The following CACNA1C variants were observed in gnomAD, a reference collection of about 807,000 sequenced individuals.
The protein encoded by CACNA1C is calcium voltage-gated channel subunit alpha1 C, also known as voltage-dependent L-type calcium channel subunit alpha-1C.
In CACNA1C, 30 loss-of-function variants were observed where a neutral mutation model predicts 229.0. The ratio of observed to expected loss-of-function variants is 0.13; its 90% CI spans 0.10 to 0.18. CACNA1C has a LOEUF of 0.18. Among genes scored for constraint, CACNA1C ranks in the 10% least tolerant of loss-of-function variants. The pLI is 1.00. For missense variants in CACNA1C, 1,658 were observed against 2,845.0 expected (o/e 0.58, Z 9.49); for synonymous variants, 1,114 against 1,132.5 (o/e 0.98, Z 0.33).
chr12:2,651,310 T>G lies in CACNA1C; in HGVS notation c.3946-330T>G. Reference sequence around the variant, plus strand: ...GGCAGCTGGCTCTGGGCCTAGAAGATTCCAAAGCCTATGGTAGTTCCTGAT... The same window carrying G: ...GGCAGCTGGCTCTGGGCCTAGAAGAGTCCAAAGCCTATGGTAGTTCCTGAT... On this transcript the variant is annotated intron_variant, in intron 31 of 46. Coordinates refer to ENST00000399655, the MANE Select transcript of CACNA1C (RefSeq NM_000719.7). The surrounding 1 kb of genome is among the most constrained non-coding windows in gnomAD (Gnocchi z 5.4). 1 of 429,668 alleles carries G rather than the reference T, an allele frequency of 2.3e-6. No homozygotes were observed. The allele number at this position is 429,668 out of a possible 1,614,324, so 26.6% of individuals were successfully genotyped here.
chr12:2,405,978 C>G (rs2159059), intron 3 of CACNA1C, among the ~76,000 whole-genome samples: 28,229 of 152,124 alleles, frequency 0.19, 3,108 homozygotes, highest in African/African-American at 0.3. Flanking sequence ...TTTCTTTCAT[C>G]TGTGAAAATA....
chr12:2,387,059 A>G (rs2098404035), intron 3 of CACNA1C, among the ~76,000 whole-genome samples: 1 of 152,218 alleles, frequency 6.6e-6, no homozygotes, highest in African/African-American at 2.4e-5. Context: ...CAGGTTTAGA[A>G]TTCTGTCCAT....
rs748951831 is a variant in CACNA1C at position 2,649,111 on chromosome 12, G to A, written c.3945+604G>A. Among the ~76,000 whole-genome samples the A allele has an allele frequency of 3.3e-5, 5 of 152,168 alleles. No homozygotes were observed. The highest frequency in any genetic ancestry group is 7.2e-5 in the African/African-American group (3 of 41,430). Reference sequence around the variant, plus strand: ...GCATTTTTCTAAATTCCTGAAGTCCGTTAAAATTAGGCTGCAGCCACTGTT... The same window carrying A: ...GCATTTTTCTAAATTCCTGAAGTCCATTAAAATTAGGCTGCAGCCACTGTT... On this transcript the variant is annotated intron_variant, in intron 31 of 46. Coordinates refer to ENST00000399655, the MANE Select transcript of CACNA1C (RefSeq NM_000719.7). The surrounding 1 kb of genome is among the most constrained non-coding windows in gnomAD (Gnocchi z 4.4).
In CACNA1C at chr12:2,605,179, G is replaced by T; in HGVS notation, c.3048+11G>T. The T allele has an allele frequency of 1.3e-6, 2 of 1,586,930 alleles. No homozygotes were observed. Among genetic ancestry groups the T allele is most frequent in the Admixed American group, 1.7e-5 (1 of 59,992 alleles). On this transcript the variant is annotated intron_variant, in intron 23 of 46. Coordinates refer to ENST00000399655, the MANE Select transcript of CACNA1C (RefSeq NM_000719.7). The surrounding 1 kb of genome is among the most constrained non-coding windows in gnomAD (Gnocchi z 6.2). ...GCCAAGGGGCTAAAGGTGAGTTGAG[G>T]GCTTGGGTAGGGAGTCTCCAGCCAG... is the stretch of plus-strand genomic sequence containing the variant.
intron 31 of CACNA1C, chr12:2,650,945 T>G (rs947451085): frequency 1.3e-5 from 2 of 151,644 alleles, no homozygotes; most frequent in Non-Finnish European, 2.9e-5. Context: ...CAGAGGGGAG[T>G]AGGAGGGCAA....
At chr12:2,669,110 G>A (rs2096403069) in intron 38 of CACNA1C, 75 bp downstream of exon 38, 5 of 1,033,462 alleles carry the variant, frequency 4.8e-6, no homozygotes, top group Non-Finnish European at 7.6e-6. Context: ...TCGGCAGCCT[G>A]CAAAGTGCTC....
chr12:2,056,825 A>T (rs1351803242), intron 1 of CACNA1C, among the ~76,000 whole-genome samples: 1 of 152,210 alleles, frequency 6.6e-6, no homozygotes, highest in Non-Finnish European at 1.5e-5. Flanking sequence ...ACAATATATT[A>T]AAAAGAGTCA....
Position 2,188,620 on chromosome 12 carries a change from A to G in CACNA1C, c.477+68190A>G, listed in dbSNP as rs2097116543. Reference sequence around the variant, plus strand: ...AAAAAATAAAAATAAAAAGAGAAAGACACTGTTTCAGCAAATTGATATTCG... The same window carrying G: ...AAAAAATAAAAATAAAAAGAGAAAGGCACTGTTTCAGCAAATTGATATTCG... On this transcript the variant is annotated intron_variant, in intron 3 of 46. Coordinates refer to ENST00000399655, the MANE Select transcript of CACNA1C (RefSeq NM_000719.7). 2.0e-5 allele frequency among the ~76,000 whole-genome samples: 3 copies of G among 152,138 alleles called. No individual in the cohort carries two copies. The South Asian group carries it at 6.2e-4, about 32-fold the overall frequency.
chr12:2,508,490 G>A (rs7299060), intron 8 of CACNA1C, among the ~76,000 whole-genome samples: 27,016 of 152,134 alleles, frequency 0.18, 3,818 homozygotes, highest in African/African-American at 0.39. Flanking sequence ...TCTCTACAAA[G>A]AAAATATTTT....
Position 2,140,454 on chromosome 12 carries a change from G to A in CACNA1C, c.477+20024G>A, listed in dbSNP as rs549126233. ...AAGAAGAGAAGCTGTTCATGGACTA[G>A]GGATTCTGGCAAGGTGTGGCATGGC... On this transcript the variant is annotated intron_variant, in intron 3 of 46. Coordinates refer to ENST00000399655, the MANE Select transcript of CACNA1C (RefSeq NM_000719.7). Among the ~76,000 whole-genome samples the A allele has an allele frequency of 5.5e-4, 83 of 151,470 alleles. 1 individual carries two copies. The highest frequency in any genetic ancestry group is 1.8e-3 in the African/African-American group (76 of 41,498).
chr12:2,392,938 G>A (rs773956250), intron 3 of CACNA1C, among the ~76,000 whole-genome samples: 9 of 152,138 alleles, frequency 5.9e-5, no homozygotes, highest in Non-Finnish European at 8.8e-5. Flanking sequence ...CAATCCTTGT[G>A]TCCGTAAGAA....
chr12:2,668,821 A>G (rs982649625), intron 37 of CACNA1C, 112 bp from the exon 38 acceptor site: 4 of 717,456 alleles, frequency 5.6e-6, no homozygotes, highest in Non-Finnish European at 1.0e-5. Flanking sequence ...ACAATTCAAC[A>G]TGAGATTTGG....
intron 3 of CACNA1C, among the ~76,000 whole-genome samples, chr12:2,255,286 A>AG (rs2077003992): frequency 6.6e-6 from 1 of 151,528 alleles, no homozygotes; most frequent in African/African-American, 2.4e-5. Context: ...AAAAAAAAAA[A>AG]CCTAGTTACT....
At position 2,029,493 on chromosome 12, in the gene CACNA1C, T is replaced by C. The variant is rs1380992697; in HGVS notation, c.139+58292T>C. Among the ~76,000 whole-genome samples, 2 of 152,358 alleles carry C rather than the reference T, an allele frequency of 1.3e-5. No individual in the cohort carries two copies. Among genetic ancestry groups the C allele is most frequent in the Admixed American group, 1.3e-4 (2 of 15,308 alleles). ...TCTGTCTCCGTGGATTTACCTATTC[T>C]GTATTTTTCACAGAAATGGAATCAT... On this transcript the variant is annotated intron_variant, in intron 1 of 46. Transcript: ENST00000682462. The surrounding 1 kb of genome is among the most constrained non-coding windows in gnomAD (Gnocchi z 4.9).
chr12:2,566,591 C>T lies in CACNA1C; in HGVS notation c.1669+9C>T, dbSNP rs1275252257. The T allele has an allele frequency of 3.8e-6, 6 of 1,588,064 alleles. No individual in the cohort carries two copies. Among genetic ancestry groups the T allele is most frequent in the East Asian group, 2.3e-5 (1 of 43,406 alleles). On this transcript the variant is annotated intron_variant, in intron 12 of 46. Transcript: ENST00000399655. This position sits in a 1 kb window ranked among gnomAD's most constrained non-coding sequence, Gnocchi z 4.0. ...GCTCACAGAAGTCCAAGGTGAGCGGCGGCCCCAGCTCTGCTCTGGTTTCCT... is the reference window on the plus strand; with the variant it reads ...GCTCACAGAAGTCCAAGGTGAGCGGTGGCCCCAGCTCTGCTCTGGTTTCCT...
chr12:2,019,534 A>AAAGGAAGGAAGGAAAG (rs1318276830), intron 1 of CACNA1C, among the ~76,000 whole-genome samples: 4 of 150,416 alleles, frequency 2.7e-5, no homozygotes, highest in East Asian at 3.9e-4. Context: ...GAAGGAAAAG[A>AAAGGAAGGAAGGAAAG]AAGGAAGGAA....
intron 30 of CACNA1C, chr12:2,641,728 A>T: frequency 1.4e-6 from 1 of 702,580 alleles, no homozygotes; most frequent in Non-Finnish European, 2.6e-6. Flanking sequence ...GGCGATGCTC[A>T]ACCTGCAGGT....
chr12:2,022,761 T>C (rs2046689525), intron 1 of CACNA1C, among the ~76,000 whole-genome samples: 1 of 152,200 alleles, frequency 6.6e-6, no homozygotes, highest in Non-Finnish European at 1.5e-5. Flanking sequence ...CTTGTTCGTA[T>C]CCATTAGCCT....
rs573874539 is a variant in CACNA1C at position 2,578,884 on chromosome 12, G to A, written c.1896-2706G>A. ...GTCCCTGCCCACGTCCTTGCCTTTG[G>A]CCTTCGCTCTAGGAGATCCCTGCTA... is the stretch of plus-strand genomic sequence containing the variant. On this transcript the variant is annotated intron_variant, in intron 13 of 46. Transcript: ENST00000399655. 7.9e-5 allele frequency among the ~76,000 whole-genome samples: 12 copies of A among 152,192 alleles called. No homozygotes were observed. In the East Asian group the frequency reaches 2.1e-3, roughly 27 times the overall value.
Sources: gnomAD v4.1 joint callset for allele counts (sites outside exome capture counted in the v4.1 genomes callset) on GRCh38, gnomAD v4.1.1 for gene constraint, Gnocchi (gnomAD v3.1) non-coding constraint, MANE v1.5 for transcripts, NCBI Gene and HGNC (gene_info 2026-07-23, HGNC 2026-07-21) for gene names.